Variants in SDK1 observed in about 807,000 individuals in gnomAD.
SDK1 encodes the protein protein sidekick-1.
In SDK1, 157 loss-of-function variants were observed where a neutral mutation model predicts 245.5. The ratio of observed to expected loss-of-function variants is 0.64; its 90% CI spans 0.56 to 0.73. The LOEUF is 0.73. Ranked by LOEUF, SDK1 falls within the 30% of genes least tolerant of loss-of-function variation. The probability of loss-of-function intolerance (pLI) is 0.00; values close to 1 mark genes in which losing one functional copy is unlikely to be tolerated. For synonymous variants in SDK1, 1,647 were observed against 1,278.5 expected, an observed-to-expected ratio of 1.29 and a Z score of -6.15; for missense variants, 3,583 against 3,002.3, an observed-to-expected ratio of 1.19 and a Z score of -4.52.
rs116809787 is a variant in SDK1 at position 3,768,106 on chromosome 7, C to G, written c.714-53344C>G. ...GGCACAATCCCAGGCTCTTGATTGT[C>G]TTAGGGATGGTCATTAACGTGCCAT... On this transcript the variant is annotated intron_variant, in intron 4 of 44. Transcript: ENST00000404826. Among the ~76,000 whole-genome samples, 679 of 152,320 alleles carry G rather than the reference C, an allele frequency of 4.5e-3. 8 individuals are homozygous for G. The highest frequency in any genetic ancestry group is 0.016 in the African/African-American group (658 of 41,574).
chr7:3,958,233 A>T (rs1316657707), intron 7 of SDK1: 1 of 280,724 alleles, frequency 3.6e-6, no homozygotes, highest in African/African-American at 2.3e-5. Context: ...ATACTTGACA[A>T]ACTTGGCCAT....
intron 14 of SDK1, among the ~76,000 whole-genome samples, chr7:3,990,440 G>A (rs73296671): frequency 3.3e-5 from 5 of 152,184 alleles, no homozygotes; most frequent in East Asian, 1.9e-4. Flanking sequence ...GGCTCTGACC[G>A]AACGGGGAAG....
chr7:3,629,497 C>T (rs1304174963), intron 2 of SDK1, among the ~76,000 whole-genome samples: 3 of 152,074 alleles, frequency 2.0e-5, no homozygotes, highest in South Asian at 2.1e-4. Context: ...ACACAGGACT[C>T]GGCGGAGTGT....
intron 16 of SDK1, among the ~76,000 whole-genome samples, chr7:4,015,537 G>A (rs374172121): frequency 5.1e-4 from 77 of 152,298 alleles, no homozygotes; most frequent in African/African-American, 1.7e-3. Context: ...TCCATGCCAA[G>A]CCTTTCTCCC....
In SDK1 at chr7:4,042,628, C is replaced by T. The variant is rs1331056023; in HGVS notation, c.2603-6720C>T. 2.0e-5 allele frequency among the ~76,000 whole-genome samples: 3 copies of T among 150,842 alleles called. 1 individual carries two copies. The highest frequency in any genetic ancestry group is 5.0e-5 in the African/African-American group (2 of 40,382). On this transcript the variant is annotated intron_variant, in intron 17 of 44. Coordinates refer to ENST00000404826, the MANE Select transcript of SDK1 (RefSeq NM_152744.4). ...CAGCAAGGGTCTAATGCTAATCATC[C>T]GGGGAGGAAGTGTCCCTTGAGGCTT...
intron 1 of SDK1, among the ~76,000 whole-genome samples, chr7:3,521,060 C>A (rs539556906): frequency 7.2e-5 from 11 of 152,252 alleles, no homozygotes; most frequent in South Asian, 4.1e-4. Context: ...TCCAAACTTA[C>A]TAGAATTGCC....
At chr7:3,586,205 T>G (rs1353071683) in intron 1 of SDK1, among the ~76,000 whole-genome samples, 1 of 151,146 alleles carries the variant, frequency 6.6e-6, no homozygotes, top group Non-Finnish European at 1.5e-5. Context: ...AGTGTCTTGG[T>G]GGAAAGGAAG....
In SDK1 at chr7:3,634,308, C is replaced by T. The variant is rs113847955; in HGVS notation, c.459-4696C>T. 4.4e-3 allele frequency among the ~76,000 whole-genome samples: 669 copies of T among 152,254 alleles called. 7 individuals carry two copies. The highest frequency in any genetic ancestry group is 0.015 in the African/African-American group (632 of 41,538). Reference sequence around the variant, plus strand: ...CTGGGCTGAGATGGACCCGATGCTGCCTCATAAAGAAATTCTAGGGTTGGT... The same window carrying T: ...CTGGGCTGAGATGGACCCGATGCTGTCTCATAAAGAAATTCTAGGGTTGGT... On this transcript the variant is annotated intron_variant, in intron 2 of 44. Coordinates refer to ENST00000404826, the MANE Select transcript of SDK1 (RefSeq NM_152744.4).
At chr7:3,444,733 A>G (rs1780295744) in intron 1 of SDK1, among the ~76,000 whole-genome samples, 1 of 152,202 alleles carries the variant, frequency 6.6e-6, no homozygotes. Context: ...GTCCCCAGCT[A>G]AATTGGGTGA....
At chr7:4,216,242 A>G (rs1044848571) in intron 38 of SDK1, among the ~76,000 whole-genome samples, 6 of 152,188 alleles carry the variant, frequency 3.9e-5, no homozygotes, top group African/African-American at 1.4e-4. Flanking sequence ...AGGGTGGTTG[A>G]CAGAAGGCAA....
intron 22 of SDK1, among the ~76,000 whole-genome samples, chr7:4,101,097 G>A (rs1415516899): frequency 6.6e-6 from 1 of 152,152 alleles, no homozygotes; most frequent in East Asian, 1.9e-4. Context: ...ACCAACAGCT[G>A]GGCAGCCCTG....
chr7:4,238,833 C>T (rs938202050), intron 42 of SDK1, among the ~76,000 whole-genome samples: 2 of 151,980 alleles, frequency 1.3e-5, no homozygotes, highest in Non-Finnish European at 2.9e-5. Flanking sequence ...CAGGTGTGAG[C>T]CACCGCGCCC....
chr7:3,614,708 A>T (rs1443040751), intron 1 of SDK1, among the ~76,000 whole-genome samples: 1 of 152,196 alleles, frequency 6.6e-6, no homozygotes, highest in Admixed American at 6.5e-5. Context: ...GGCTCAGAGA[A>T]GTGCTATTCC....
At chr7:3,376,226 C>G (rs1301112315) in intron 1 of SDK1, among the ~76,000 whole-genome samples, 1 of 151,992 alleles carries the variant, frequency 6.6e-6, no homozygotes, top group Non-Finnish European at 1.5e-5. Context: ...TCAGATGGAT[C>G]AAATATTTAA....
intron 1 of SDK1, among the ~76,000 whole-genome samples, chr7:3,406,259 G>C (rs570226137): frequency 2.9e-4 from 44 of 152,284 alleles, no homozygotes; most frequent in African/African-American, 1.1e-3. Context: ...ATTTGGATGT[G>C]TATATTACAC....
At chr7:3,466,596 T>C (rs1781008445) in intron 1 of SDK1, among the ~76,000 whole-genome samples, 1 of 151,196 alleles carries the variant, frequency 6.6e-6, no homozygotes, top group African/African-American at 2.4e-5. Context: ...TATGAGGATA[T>C]CTGTTTTTTG....
intron 1 of SDK1, among the ~76,000 whole-genome samples, chr7:3,422,460 A>G (rs574038422): frequency 6.6e-5 from 10 of 152,330 alleles, no homozygotes; most frequent in Admixed American, 1.3e-4. Flanking sequence ...ATACTATAGA[A>G]TATAACCAAC....
chr7:4,265,233 C>T lies in SDK1; in HGVS notation c.6491C>T (p.Ala2164Val). The T allele has an allele frequency of 6.2e-7, 1 of 1,608,202 alleles. No homozygotes were observed. Among genetic ancestry groups the T allele is most frequent in the East Asian group, 2.2e-5 (1 of 44,828 alleles). ...NSWKRRAQGR[A>V]PAPHRYEAVA... ...TGGAAGCGCAGGGCCCAGGGCCGCG[C>T]ACCTGCGCCGCACAGGTACGAGGCG... Residue 2164 changes from alanine (A) to valine (V), a missense_variant, in exon 45 of 45, where the codon GCA (alanine) becomes GTA (valine). Physicochemically the swap from Ala to Val is moderately conservative, Grantham distance 64 (BLOSUM62 0). Transcript: ENST00000404826.
chr7:3,630,293 C>A (rs1294593361), intron 2 of SDK1, among the ~76,000 whole-genome samples: 2 of 152,038 alleles, frequency 1.3e-5, no homozygotes, highest in East Asian at 3.8e-4. Context: ...TAAAAGGCAT[C>A]CAGATTGTAA....
Sources: allele counts gnomAD v4.1 joint callset (sites outside exome capture counted in the v4.1 genomes callset), GRCh38; gene constraint gnomAD v4.1.1; transcripts MANE v1.5; gene names NCBI Gene and HGNC (gene_info 2026-07-23, HGNC 2026-07-21).